The following TLL1 variants were observed in gnomAD, a reference collection of about 807,000 sequenced individuals.
TLL1 encodes the protein tolloid-like protein 1.
Under a neutral mutation model 128.2 loss-of-function variants are expected in TLL1, and 49 were observed. The ratio of observed to expected loss-of-function variants is 0.38; its 90% CI spans 0.30 to 0.48. TLL1 has a LOEUF of 0.48. Ranked by LOEUF, TLL1 falls within the 20% of genes least tolerant of loss-of-function variation. The pLI, the probability that TLL1 is intolerant of heterozygous loss-of-function variation, is 0.96. For missense variants in TLL1, 1,123 were observed against 1,242.0 expected, an observed-to-expected ratio of 0.90 and a Z score of 1.44; for synonymous variants, 454 against 418.8, an observed-to-expected ratio of 1.08 and a Z score of -1.03.
chr4:166,002,707 AGT>A (rs1159940149), intron 5 of TLL1, among the ~76,000 whole-genome samples: 1 of 152,166 alleles, frequency 6.6e-6, no homozygotes, highest in African/African-American at 2.4e-5. Flanking sequence ...GGCCTTCCGA[AGT>A]GCTAGGATTA....
intron 5 of TLL1, among the ~76,000 whole-genome samples, chr4:165,998,405 C>CA (rs975942510): frequency 1.3e-5 from 2 of 151,852 alleles, no homozygotes; most frequent in South Asian, 2.1e-4. Flanking sequence ...AGTAAATAAA[C>CA]AAAAAAATTA....
At chr4:165,965,031 A>T (rs1032814099) in intron 1 of TLL1, among the ~76,000 whole-genome samples, 1 of 152,144 alleles carries the variant, frequency 6.6e-6, no homozygotes, top group Non-Finnish European at 1.5e-5. Flanking sequence ...AAGCATTTAT[A>T]TATTTTTATT....
In TLL1 at chr4:166,057,263, C is replaced by T. The variant is rs1203447124; in HGVS notation, c.1800C>T (p.Ala600=). 6.2e-7 allele frequency: 1 copy of T among 1,613,838 alleles called. No individual in the cohort carries two copies. The highest frequency in any genetic ancestry group is 8.5e-7 in the Non-Finnish European group (1 of 1,179,968). Residue 600 remains alanine, a synonymous_variant, in exon 14 of 21, where the codon GCC becomes GCT. Transcript: ENST00000061240. Reference sequence around the variant, plus strand: ...ACACTCTGGGCAGTTACCAGTGTGCCTGTGAGCCTGGCTATGAGCTGGGCC... The same window carrying T: ...ACACTCTGGGCAGTTACCAGTGTGCTTGTGAGCCTGGCTATGAGCTGGGCC... ...CLNTLGSYQC[A]CEPGYELGPD...
chr4:165,873,901 G>T lies in TLL1; in HGVS notation c.-4G>T, dbSNP rs1466282058. Reference sequence around the variant, plus strand: ...GTCCCCTCCTTTTCCTCCGGGGGAGGAGGATGGGGTTGGGAACGCTTTCCC... The same window carrying T: ...GTCCCCTCCTTTTCCTCCGGGGGAGTAGGATGGGGTTGGGAACGCTTTCCC... On this transcript the variant is annotated 5_prime_UTR_variant, in exon 1 of 21. Coordinates refer to ENST00000061240, the MANE Select transcript of TLL1 (RefSeq NM_012464.5). The T allele has an allele frequency of 6.2e-7, 1 of 1,613,580 alleles. No homozygotes were observed. Among genetic ancestry groups the T allele is most frequent in the Admixed American group, 1.7e-5 (1 of 60,006 alleles).
chr4:166,095,364 A>G (rs1330901927), intron 19 of TLL1, among the ~76,000 whole-genome samples: 1 of 152,074 alleles, frequency 6.6e-6, no homozygotes, highest in Non-Finnish European at 1.5e-5. Flanking sequence ...GGTAACAAAC[A>G]GTATTACTCC....
At chr4:165,886,776 T>C (rs569262737) in intron 1 of TLL1, among the ~76,000 whole-genome samples, 1 of 152,308 alleles carries the variant, frequency 6.6e-6, no homozygotes, top group Admixed American at 6.5e-5. Flanking sequence ...TATTTATTTA[T>C]TTTGGAATAT....
intron 8 of TLL1, among the ~76,000 whole-genome samples, chr4:166,019,963 GAT>G (rs1738141828): frequency 6.6e-6 from 1 of 152,136 alleles, no homozygotes; most frequent in African/African-American, 2.4e-5. Context: ...TTAGGAAGGG[GAT>G]AGTATGAGGA....
At chr4:165,916,260 A>G (rs1732771309) in intron 1 of TLL1, among the ~76,000 whole-genome samples, 1 of 152,208 alleles carries the variant, frequency 6.6e-6, no homozygotes, top group Non-Finnish European at 1.5e-5. Flanking sequence ...TTTTGCTTAT[A>G]CCTGTTTTGT....
intron 1 of TLL1, among the ~76,000 whole-genome samples, chr4:165,973,799 G>T (rs1735741099): frequency 1.3e-5 from 2 of 151,770 alleles, no homozygotes; most frequent in African/African-American, 4.8e-5. Context: ...CCAAGCAACT[G>T]GAAATACAGG....
chr4:166,006,347 G>C (rs1012928831), intron 6 of TLL1, among the ~76,000 whole-genome samples: 1 of 151,738 alleles, frequency 6.6e-6, no homozygotes, highest in African/African-American at 2.4e-5. Flanking sequence ...GTATGGCTAT[G>C]TTGTTTTTAA....
intron 13 of TLL1, among the ~76,000 whole-genome samples, chr4:166,056,167 A>C (rs1305196116): frequency 6.6e-6 from 1 of 152,028 alleles, no homozygotes; most frequent in African/African-American, 2.4e-5. Flanking sequence ...TAAAATCTCC[A>C]TTTACATGTT....
At chr4:166,014,682 T>C in intron 8 of TLL1, 122 bp downstream of exon 8, 1 of 1,450,936 alleles carries the variant, frequency 6.9e-7, no homozygotes, top group Non-Finnish European at 9.5e-7. Context: ...ACGTGTACAG[T>C]TCAAAGTCAG....
At chr4:166,054,783 T>G (rs1383509917) in intron 12 of TLL1, among the ~76,000 whole-genome samples, 1 of 152,086 alleles carries the variant, frequency 6.6e-6, no homozygotes, top group Non-Finnish European at 1.5e-5. Flanking sequence ...GAATGAAGAA[T>G]TTCTACTTGT....
At chr4:165,876,744 G>T (rs191791695) in intron 1 of TLL1, among the ~76,000 whole-genome samples, 2 of 152,220 alleles carry the variant, frequency 1.3e-5, no homozygotes, top group Non-Finnish European at 2.9e-5. Context: ...AAGTCTGGCT[G>T]TATTTGACAA....
intron 18 of TLL1, among the ~76,000 whole-genome samples, chr4:166,079,458 AT>A (rs1267779866): frequency 2.0e-5 from 3 of 151,442 alleles, no homozygotes; most frequent in Middle Eastern, 3.4e-3. Flanking sequence ...GAATGATTCC[AT>A]TTTTTTTCTG....
At chr4:165,968,856 G>T (rs1735510972) in intron 1 of TLL1, among the ~76,000 whole-genome samples, 1 of 152,142 alleles carries the variant, frequency 6.6e-6, no homozygotes, top group Non-Finnish European at 1.5e-5. Flanking sequence ...ATAGAGAACT[G>T]TGTTACTTTG....
At position 165,923,421 on chromosome 4, in the gene TLL1, CTTTTT is replaced by C. The variant is rs758162016; in HGVS notation, c.169+49369_169+49373del. Among the ~76,000 whole-genome samples the C allele has an allele frequency of 4.0e-3, 281 of 70,828 alleles. 2 individuals are homozygous for C. Among genetic ancestry groups the C allele is most frequent in the African/African-American group, 0.014 (271 of 18,944 alleles). The allele number at this position is 70,828 out of a possible 152,430, so 46.5% of individuals were successfully genotyped here. The stretch of plus-strand genomic sequence containing the variant: ...AAGTGCATCGGAAATATAGGTATAC[CTTTTT>C]TTTTTTTTTTTTTTTTTTTTGAGAC... On this transcript the variant is annotated intron_variant, in intron 1 of 20. Coordinates refer to ENST00000061240, the MANE Select transcript of TLL1 (RefSeq NM_012464.5).
intron 3 of TLL1, among the ~76,000 whole-genome samples, chr4:165,993,528 T>C (rs190738412): frequency 2.2e-4 from 34 of 152,170 alleles, no homozygotes; most frequent in Admixed American, 1.8e-3. Context: ...CAAGGAATAA[T>C]TTTCCCAAGC....
At chr4:166,084,792 T>C (rs1741427486) in intron 18 of TLL1, among the ~76,000 whole-genome samples, 1 of 152,158 alleles carries the variant, frequency 6.6e-6, no homozygotes, top group Non-Finnish European at 1.5e-5. Flanking sequence ...AGCTTTGTAG[T>C]GTATTTTGAT....
Sources: gnomAD v4.1 joint callset for allele counts (sites outside exome capture counted in the v4.1 genomes callset) on GRCh38, gnomAD v4.1.1 for gene constraint, MANE v1.5 for transcripts, NCBI Gene and HGNC (gene_info 2026-07-23, HGNC 2026-07-21) for gene names.